Variants in BRI3BP observed in about 807,000 individuals in gnomAD.
The protein encoded by BRI3BP is BRI3 binding protein.
A neutral mutation model predicts 15.8 loss-of-function variants in BRI3BP; 7 were observed. The observed-to-expected ratio is 0.44, with a 90% confidence interval of 0.25 to 0.83. BRI3BP has a LOEUF of 0.83. BRI3BP is among the 40% of genes least tolerant of loss of function. The probability of loss-of-function intolerance (pLI) is 0.20; values close to 1 mark genes in which losing one functional copy is unlikely to be tolerated. For synonymous variants in BRI3BP, 192 were observed against 163.5 expected (o/e 1.17, Z -1.33); for missense variants, 320 against 339.3 (o/e 0.94, Z 0.45).
intron 2 of BRI3BP, among the ~76,000 whole-genome samples, chr12:125,015,676 C>T (rs1282997405): frequency 6.6e-6 from 1 of 152,228 alleles, no homozygotes; most frequent in African/African-American, 2.4e-5. Flanking sequence ...CTGGTTCATA[C>T]CTGTTGACAC....
intron 2 of BRI3BP, among the ~76,000 whole-genome samples, chr12:125,021,807 T>C (rs11057991): frequency 0.51 from 77,973 of 151,536 alleles, 21,471 homozygotes; most frequent in African/African-American, 0.71. Flanking sequence ...GGAAACCACC[T>C]CCACGATCCA....
Position 124,993,760 on chromosome 12 carries a change from G to A in BRI3BP, c.-31G>A, listed in dbSNP as rs1212112326. Reference sequence around the variant, plus strand: ...CGGCCCAGCGCACGGCCCTCACCCCGCATCGCGACCCCGCGCCCCGCCGGC... The same window carrying A: ...CGGCCCAGCGCACGGCCCTCACCCCACATCGCGACCCCGCGCCCCGCCGGC... On this transcript the variant is annotated 5_prime_UTR_variant, in exon 1 of 3. Transcript: ENST00000341446. 35 of 995,880 alleles carry A rather than the reference G, an allele frequency of 3.5e-5. No individual in the cohort carries two copies. The highest frequency in any genetic ancestry group is 4.1e-5 in the Non-Finnish European group (34 of 837,802). The allele number at this position is 995,880 out of a possible 1,614,324, so 61.7% of individuals were successfully genotyped here. A position where few individuals can be genotyped will look rare whatever the true frequency, so the allele number is the denominator to read the frequency against.
In BRI3BP at chr12:125,031,065, A is replaced by T. The variant is rs1955402712; in HGVS notation, c.*5635A>T. ...GTATCAGGCATTTTTTTGCAAAGCG[A>T]TATATACATTCCTCTTATTTATTAA... On this transcript the variant is annotated 3_prime_UTR_variant, in exon 3 of 3. Transcript: ENST00000341446. 1 of 151,518 alleles carries T rather than the reference A, an allele frequency of 6.6e-6. No individual in the cohort carries two copies. Among genetic ancestry groups the T allele is most frequent in the East Asian group, 1.9e-4 (1 of 5,194 alleles). The allele number at this position is 151,518 out of a possible 1,614,324, so 9.4% of individuals were successfully genotyped here.
At chr12:125,031,574 ATTTTTTTTTTTTTTTT>A (rs367625363), downstream of BRI3BP, among the ~76,000 whole-genome samples, 2 of 84,244 alleles carry the variant, frequency 2.4e-5, no homozygotes, top group Admixed American at 2.8e-4. Context: ...TTTTCTTTCT[ATTTTTTTTTTTTTTTT>A]TTTTTTTTTT....
At chr12:125,016,825 C>CTTTTTTTTTTTTT (rs58016016) in intron 2 of BRI3BP, among the ~76,000 whole-genome samples, 707 of 39,796 alleles carry the variant, frequency 0.018, 100 homozygotes, top group Middle Eastern at 0.048. Context: ...TGCGCCCAGC[C>CTTTTTTTTTTTTT]TTTTTTTTTT....
intron 1 of BRI3BP, among the ~76,000 whole-genome samples, chr12:125,002,963 GGCTGGGCAGGCCCACTGC>G (rs1276737845): frequency 1.3e-5 from 2 of 152,198 alleles, no homozygotes; most frequent in South Asian, 2.1e-4. Context: ...TCTGGGTTGA[GGCTGGGCAGGCCCACTGC>G]GCTGGGGGTG....
At chr12:124,998,972 G>C (rs1955061346) in intron 1 of BRI3BP, among the ~76,000 whole-genome samples, 1 of 152,076 alleles carries the variant, frequency 6.6e-6, no homozygotes, top group African/African-American at 2.4e-5. Flanking sequence ...CAGCTACTTG[G>C]GAGGTTGCAT....
At chr12:125,007,472 C>T (rs575559867) in intron 1 of BRI3BP, among the ~76,000 whole-genome samples, 2 of 152,150 alleles carry the variant, frequency 1.3e-5, no homozygotes, top group Non-Finnish European at 2.9e-5. Flanking sequence ...TTGCTTGGAC[C>T]TGGGATGGGG....
At chr12:125,002,110 C>T (rs11057969) in intron 1 of BRI3BP, among the ~76,000 whole-genome samples, 9,074 of 152,264 alleles carry the variant, frequency 0.06, 409 homozygotes, top group Admixed American at 0.14. Flanking sequence ...TGATCATCAA[C>T]TGATGCACAT....
chr12:125,007,249 C>G (rs1468244402), intron 1 of BRI3BP, among the ~76,000 whole-genome samples: 2 of 151,892 alleles, frequency 1.3e-5, no homozygotes, highest in Non-Finnish European at 2.9e-5. Context: ...ACAAGTCACA[C>G]ATACTTTAAA....
chr12:125,009,283 CTTTTTTTTTT>C (rs1217778458), intron 1 of BRI3BP, among the ~76,000 whole-genome samples: 1 of 66,568 alleles, frequency 1.5e-5, no homozygotes, highest in Non-Finnish European at 2.8e-5. Flanking sequence ...ACCCAGCCAT[CTTTTTTTTTT>C]TTTTTTTTTT....
the BRI3BP span, among the ~76,000 whole-genome samples, chr12:125,048,609 G>A: frequency 6.6e-6 from 1 of 151,868 alleles, no homozygotes; most frequent in African/African-American, 2.4e-5. Context: ...TAAATGATGA[G>A]TTAATGGGTG....
Position 125,029,235 on chromosome 12 carries a change from T to C in BRI3BP, c.*3805T>C, listed in dbSNP as rs576181373. ...CCTTTCATAAATATACTTTCCAGGC[T>C]GGGTGCAGTGGCTCAAGCTTGTAAT... is the stretch of plus-strand genomic sequence containing the variant. On this transcript the variant is annotated 3_prime_UTR_variant, in exon 3 of 3. Transcript: ENST00000341446. 1 of 151,770 alleles carries C rather than the reference T, an allele frequency of 6.6e-6. No individual in the cohort carries two copies. The highest frequency in any genetic ancestry group is 2.1e-4 in the South Asian group (1 of 4,800). 9.4% of individuals were successfully genotyped at this position (151,770 alleles called of 1,614,324 possible).
chr12:125,035,516 C>A (rs557809690), downstream of BRI3BP, among the ~76,000 whole-genome samples: 20 of 151,764 alleles, frequency 1.3e-4, no homozygotes, highest in Non-Finnish European at 2.4e-4. Context: ...GCTTCAGTAT[C>A]CCACCTAAGT....
chr12:125,004,616 C>T (rs927016537), intron 1 of BRI3BP, among the ~76,000 whole-genome samples: 1 of 152,106 alleles, frequency 6.6e-6, no homozygotes, highest in Non-Finnish European at 1.5e-5. Context: ...CCATTATTAA[C>T]GTTGTATATT....
At chr12:125,016,825 CTTTTTTTTTT>C (rs58016016) in intron 2 of BRI3BP, among the ~76,000 whole-genome samples, 22 of 39,808 alleles carry the variant, frequency 5.5e-4, no homozygotes, top group South Asian at 2.1e-3. Flanking sequence ...TGCGCCCAGC[CTTTTTTTTTT>C]TTTTTTTTTT....
At chr12:125,048,459 T>C in the BRI3BP span, among the ~76,000 whole-genome samples, 1 of 151,482 alleles carries the variant, frequency 6.6e-6, no homozygotes, top group Non-Finnish European at 1.5e-5. Context: ...AAATTCGGTT[T>C]GCAAACACCG....
chr12:124,997,786 C>T (rs916686605), intron 1 of BRI3BP, among the ~76,000 whole-genome samples: 3 of 151,742 alleles, frequency 2.0e-5, no homozygotes, highest in Non-Finnish European at 4.4e-5. Context: ...GTCAGGAGCT[C>T]GAGACCAGCC....
chr12:125,017,432 G>A (rs933523830), intron 2 of BRI3BP, among the ~76,000 whole-genome samples: 1 of 152,138 alleles, frequency 6.6e-6, no homozygotes, highest in Non-Finnish European at 1.5e-5. Flanking sequence ...TGGGATTACA[G>A]GCATGTGCCA....
Sources: allele counts gnomAD v4.1 joint callset (sites outside exome capture counted in the v4.1 genomes callset), GRCh38; gene constraint gnomAD v4.1.1; transcripts MANE v1.5; gene names NCBI Gene and HGNC (gene_info 2026-07-23, HGNC 2026-07-21).